MAPK8: variants seen among roughly 807,000 people sequenced by gnomAD.
MAPK8 encodes mitogen-activated protein kinase 8.
MAPK8 carries 13 observed loss-of-function variants against 52.9 expected under a neutral mutation model. The observed-to-expected ratio is 0.25, with a 90% CI of 0.16 to 0.39. The LOEUF (loss-of-function observed/expected upper bound fraction) is 0.39. Ranked by LOEUF, MAPK8 falls within the 10% of genes least tolerant of loss-of-function variation. The probability of loss-of-function intolerance (pLI) is 1.00; values close to 1 mark genes in which losing one functional copy is unlikely to be tolerated. For synonymous variants in MAPK8, 191 were observed against 169.8 expected (o/e 1.12, Z -0.97); for missense variants, 300 against 519.2 (o/e 0.58, Z 4.10).
At chr10:48,405,599 G>A (rs983717392) in intron 3 of MAPK8, among the ~76,000 whole-genome samples, 2 of 152,164 alleles carry the variant, frequency 1.3e-5, no homozygotes, top group African/African-American at 4.8e-5. Context: ...AGAATAAACA[G>A]TTATACTTTT....
intron 5 of MAPK8, among the ~76,000 whole-genome samples, chr10:48,410,759 G>A (rs957919691): frequency 5.9e-5 from 9 of 152,156 alleles, no homozygotes; most frequent in Admixed American, 3.9e-4. Flanking sequence ...CAGTGTATGC[G>A]GGTTCCAGTT....
chr10:48,415,780 G>T (rs562970410), intron 5 of MAPK8, among the ~76,000 whole-genome samples: 9 of 152,282 alleles, frequency 5.9e-5, no homozygotes, highest in Admixed American at 2.0e-4. Flanking sequence ...ATGAAGTAGG[G>T]TTGCTATACA....
At chr10:48,345,533 T>C (rs973853294) in intron 1 of MAPK8, among the ~76,000 whole-genome samples, 1 of 152,168 alleles carries the variant, frequency 6.6e-6, no homozygotes, top group Non-Finnish European at 1.5e-5. Flanking sequence ...AGCCTAACCA[T>C]GAAGAAAATG....
chr10:48,324,480 T>C (rs1049377360), intron 1 of MAPK8, among the ~76,000 whole-genome samples: 14 of 150,218 alleles, frequency 9.3e-5, no homozygotes, highest in Admixed American at 3.3e-4. Context: ...TAGTCACTTA[T>C]ACAACAGTTG....
intron 6 of MAPK8, among the ~76,000 whole-genome samples, chr10:48,423,332 T>G (rs1296740667): frequency 1.3e-5 from 2 of 152,224 alleles, no homozygotes; most frequent in Non-Finnish European, 2.9e-5. Context: ...CAAAACTAAC[T>G]TCTTAAGCCA....
At chr10:48,393,984 G>T (rs561995137) in intron 1 of MAPK8, among the ~76,000 whole-genome samples, 11 of 151,950 alleles carry the variant, frequency 7.2e-5, no homozygotes, top group Non-Finnish European at 1.3e-4. Context: ...AGGAATGAAA[G>T]AGGAGAGATG....
At chr10:48,403,882 G>A (rs1056751872) in intron 2 of MAPK8, among the ~76,000 whole-genome samples, 1 of 150,866 alleles carries the variant, frequency 6.6e-6, no homozygotes, top group African/African-American at 2.4e-5. Context: ...CGGAGTAGCT[G>A]GGGCTACAGG....
At chr10:48,380,799 T>C (rs984690934) in intron 1 of MAPK8, among the ~76,000 whole-genome samples, 1 of 152,142 alleles carries the variant, frequency 6.6e-6, no homozygotes, top group African/African-American at 2.4e-5. Flanking sequence ...AAATGCTCAG[T>C]GTTAAAATAG....
chr10:48,331,978 G>A (rs1039090424), intron 1 of MAPK8, among the ~76,000 whole-genome samples: 2 of 152,156 alleles, frequency 1.3e-5, no homozygotes, highest in South Asian at 4.1e-4. Context: ...TCCAGAGGAA[G>A]GGGGATGCCA....
At position 48,413,818 on chromosome 10, in the gene MAPK8, TATATATATATATA is replaced by T. The variant is rs1564603868; in HGVS notation, c.450+3651_450+3663del. ...AATTGAGTATTTGCCAGAATTGTTA[TATATATATATATA>T]TATATATATATATATATATATATAT... On this transcript the variant is annotated intron_variant, in intron 5 of 11. Transcript: ENST00000374189. 6.8e-5 allele frequency among the ~76,000 whole-genome samples: 4 copies of T among 58,898 alleles called. No homozygotes were observed. The East Asian group carries it at 1.4e-3, about 21-fold the overall frequency. 38.6% of individuals were successfully genotyped at this position (58,898 alleles called of 152,430 possible).
chr10:48,392,471 AATAG>A (rs1456412222), intron 1 of MAPK8, among the ~76,000 whole-genome samples: 4 of 151,960 alleles, frequency 2.6e-5, no homozygotes, highest in Admixed American at 6.6e-5. Flanking sequence ...TCTAATATGT[AATAG>A]ATATATAATA....
At chr10:48,350,954 G>A (rs1286917134) in intron 1 of MAPK8, among the ~76,000 whole-genome samples, 3 of 152,190 alleles carry the variant, frequency 2.0e-5, no homozygotes, top group African/African-American at 7.2e-5. Context: ...AAAATCACAA[G>A]CATTCCCATA....
chr10:48,339,899 A>C (rs376962422), intron 1 of MAPK8, among the ~76,000 whole-genome samples: 15 of 152,182 alleles, frequency 9.9e-5, no homozygotes, highest in African/African-American at 3.4e-4. Flanking sequence ...GTAATAAAAT[A>C]AGACATGTTG....
chr10:48,379,252 C>G (rs1020280203), intron 1 of MAPK8, among the ~76,000 whole-genome samples: 4 of 152,170 alleles, frequency 2.6e-5, no homozygotes, highest in African/African-American at 9.7e-5. Context: ...TCTTTACATA[C>G]CGCAAGTCAG....
At chr10:48,415,745 A>G (rs972202596) in intron 5 of MAPK8, among the ~76,000 whole-genome samples, 2 of 152,212 alleles carry the variant, frequency 1.3e-5, no homozygotes, top group African/African-American at 2.4e-5. Context: ...GAAAGATACT[A>G]TCCAATTAGG....
intron 1 of MAPK8, among the ~76,000 whole-genome samples, chr10:48,330,216 A>T (rs1014489948): frequency 5.3e-5 from 8 of 152,222 alleles, no homozygotes; most frequent in Admixed American, 2.0e-4. Context: ...TAGAGAAATA[A>T]TTTTTATAAA....
In MAPK8 at chr10:48,415,506, G is replaced by C. The variant is rs58206495; in HGVS notation, c.451-4649G>C. 3.5e-3 allele frequency among the ~76,000 whole-genome samples: 532 copies of C among 152,224 alleles called. 5 individuals are homozygous for C. Among genetic ancestry groups the C allele is most frequent in the African/African-American group, 0.012 (519 of 41,526 alleles). ...TCGGATTAGTTCCTTAATTTAAAAA[G>C]GTCAGATTTTGGCAGCACACAAGGC... On this transcript the variant is annotated intron_variant, in intron 5 of 11. Transcript: ENST00000374189.
At chr10:48,350,782 G>C (rs766374264) in intron 1 of MAPK8, among the ~76,000 whole-genome samples, 1 of 152,204 alleles carries the variant, frequency 6.6e-6, no homozygotes, top group South Asian at 2.1e-4. Context: ...TCAGGCAAGA[G>C]AAATAAATAA....
intron 6 of MAPK8, among the ~76,000 whole-genome samples, 179 bp downstream of exon 6, chr10:48,420,499 TG>T (rs1312055099): frequency 2.0e-5 from 3 of 152,264 alleles, no homozygotes; most frequent in African/African-American, 7.2e-5. Context: ...TGGAAAAACT[TG>T]GGGCCCTTAT....
Sources: gnomAD v4.1 joint callset for allele counts (sites outside exome capture counted in the v4.1 genomes callset) on GRCh38, gnomAD v4.1.1 for gene constraint, MANE v1.5 for transcripts, NCBI Gene and HGNC (gene_info 2026-07-23, HGNC 2026-07-21) for gene names.